CDC23: variants seen among roughly 807,000 people sequenced by gnomAD.
CDC23 encodes cell division cycle 23.
In CDC23, 26 loss-of-function variants were observed where a neutral mutation model predicts 81.7. The ratio of observed to expected loss-of-function variants is 0.32; its 90% CI spans 0.23 to 0.44. The LOEUF (loss-of-function observed/expected upper bound fraction) is 0.44. CDC23 is among the 20% of genes least tolerant of loss of function. CDC23 has a pLI of 1.00. For synonymous variants in CDC23, 267 were observed against 270.8 expected, an observed-to-expected ratio of 0.99 and a Z score of 0.14; for missense variants, 519 against 728.0, an observed-to-expected ratio of 0.71 and a Z score of 3.30.
intron 6 of CDC23, 23 bp downstream of exon 6, chr5:138,201,084 T>C (rs749784746): frequency 6.2e-7 from 1 of 1,610,692 alleles, no homozygotes; most frequent in Non-Finnish European, 8.5e-7. Flanking sequence ...AGAGGGTTTT[T>C]CACATAGCTC....
intron 3 of CDC23, 100 bp downstream of exon 3, chr5:138,206,447 G>C: frequency 8.7e-7 from 1 of 1,143,034 alleles, no homozygotes; most frequent in South Asian, 1.2e-5. Flanking sequence ...CATTCATTCA[G>C]TGGCCCACTG....
chr5:138,201,017 C>T lies in CDC23; in HGVS notation c.654+90G>A, dbSNP rs189474238. ...AGCAAAGGGAGAACTATAACCAAAG[C>T]CCTGCCAAAACTTTCCCCACCCCTA... On this transcript the variant is annotated intron_variant, in intron 6 of 15. Coordinates refer to ENST00000394886, the MANE Select transcript of CDC23 (RefSeq NM_004661.4). 11 of 1,438,700 alleles carry T rather than the reference C, an allele frequency of 7.6e-6. No individual in the cohort carries two copies. In the East Asian group the frequency reaches 2.5e-4, roughly 33 times the overall value. The allele number at this position is 1,438,700 out of a possible 1,614,324, so 89.1% of individuals were successfully genotyped here.
At chr5:138,200,992 A>G in intron 6 of CDC23, 115 bp downstream of exon 6, 1 of 1,148,158 alleles carries the variant, frequency 8.7e-7, no homozygotes, top group Non-Finnish European at 1.2e-6. Context: ...CCAGAGGCGC[A>G]GCAAAGGGAG....
chr5:138,207,380 T>C (rs2126589326), intron 2 of CDC23, among the ~76,000 whole-genome samples: 1 of 152,300 alleles, frequency 6.6e-6, no homozygotes, highest in Non-Finnish European at 1.5e-5. Context: ...GTTACTTAGC[T>C]TCTCTTAGCA....
intron 2 of CDC23, among the ~76,000 whole-genome samples, chr5:138,211,059 T>C (rs1029942718): frequency 2.0e-5 from 3 of 152,102 alleles, no homozygotes; most frequent in Admixed American, 1.3e-4. Flanking sequence ...CAAAAAAACA[T>C]CTGCACTCGC....
chr5:138,205,965 C>T (rs1004747068), intron 3 of CDC23: 6 of 152,014 alleles, frequency 3.9e-5, no homozygotes, highest in Admixed American at 1.3e-4. Flanking sequence ...CACTTTTGGT[C>T]CCAAGCACTT....
In CDC23 at chr5:138,192,657, C is replaced by A; in HGVS notation, c.1013G>T (p.Gly338Val). Residue 338 changes from glycine to valine, a missense_variant and splice_region_variant, in exon 10 of 16, where the codon GGC (glycine) becomes GTC (valine). Transcript: ENST00000394886. ...CTGAGAACGTAAACTGTAATAATTGCCTGATTAAAAATCAAACAAAAAAAT... is the reference window on the plus strand; with the variant it reads ...CTGAGAACGTAAACTGTAATAATTGACTGATTAAAAATCAAACAAAAAAAT... ...KYRVETCCVI[G>V]NYYSLRSQHE... The A allele has an allele frequency of 6.3e-7, 1 of 1,599,532 alleles. No individual in the cohort carries two copies. The highest frequency in any genetic ancestry group is 8.5e-7 in the Non-Finnish European group (1 of 1,176,014).
intron 9 of CDC23, among the ~76,000 whole-genome samples, chr5:138,196,890 CTTTTTTTTTTTTTT>C (rs34002952): frequency 2.6e-5 from 3 of 113,422 alleles, no homozygotes; most frequent in East Asian, 2.3e-4. Context: ...TTTTTTTTTC[CTTTTTTTTTTTTTT>C]TTTTTTTTTA....
At chr5:138,206,911 ACT>A (rs1755056599) in intron 2 of CDC23, among the ~76,000 whole-genome samples, 1 of 131,722 alleles carries the variant, frequency 7.6e-6, no homozygotes, top group South Asian at 2.3e-4. Context: ...ACAGAGCCTC[ACT>A]CTGTCACCCA....
At chr5:138,191,829 C>T (rs1323220373) in intron 12 of CDC23, 33 bp downstream of exon 12, 1 of 1,539,946 alleles carries the variant, frequency 6.5e-7, no homozygotes, top group East Asian at 2.2e-5. Flanking sequence ...AGCAGATTTC[C>T]ACTCAAATTC....
rs1754769482 is a variant in CDC23 at position 138,187,660 on chromosome 5, C to CATTTT, written c.*1313_*1317dup. On this transcript the variant is annotated 3_prime_UTR_variant, in exon 16 of 16. Coordinates refer to ENST00000394886, the MANE Select transcript of CDC23 (RefSeq NM_004661.4). ...GTTATATTAAAGATATTATTGTTCA[C>CATTTT]ATTTTTTATTGAATTCCAAATGTAG... The CATTTT allele has an allele frequency of 3.0e-6, 1 of 335,820 alleles. No individual in the cohort carries two copies. The highest frequency in any genetic ancestry group is 2.1e-5 in the African/African-American group (1 of 47,062). The allele number at this position is 335,820 out of a possible 1,614,324, so 20.8% of individuals were successfully genotyped here.
intron 3 of CDC23, among the ~76,000 whole-genome samples, chr5:138,203,732 C>T (rs187203146): frequency 1.0e-3 from 152 of 151,678 alleles, no homozygotes; most frequent in Middle Eastern, 6.8e-3. Flanking sequence ...GTCAACGTGG[C>T]GAAACCCCGT....
At chr5:138,192,744 G>A (rs1028693526) in intron 9 of CDC23, 87 bp from the exon 10 acceptor site, 80 of 1,204,912 alleles carry the variant, frequency 6.6e-5, no homozygotes, top group Middle Eastern at 5.7e-4. Flanking sequence ...CCAAATGGGC[G>A]TGAAACCATA....
At chr5:138,193,426 T>C (rs925622336) in intron 9 of CDC23, among the ~76,000 whole-genome samples, 2 of 151,552 alleles carry the variant, frequency 1.3e-5, no homozygotes, top group African/African-American at 4.9e-5. Flanking sequence ...CAAAACCCTG[T>C]CTCTACTAAA....
intron 9 of CDC23, among the ~76,000 whole-genome samples, chr5:138,195,579 ATAT>A (rs1187047583): frequency 2.2e-5 from 2 of 92,560 alleles, no homozygotes; most frequent in South Asian, 3.3e-4. Context: ...TATATATAAT[ATAT>A]TATATATAAT....
At chr5:138,195,691 A>T (rs1221544997) in intron 9 of CDC23, among the ~76,000 whole-genome samples, 37 of 82,638 alleles carry the variant, frequency 4.5e-4, no homozygotes, top group Admixed American at 1.4e-3. Flanking sequence ...TATACATATA[A>T]TATATATGCA....
At chr5:138,192,073 T>A in intron 11 of CDC23, 136 bp from the exon 12 acceptor site, 1 of 920,098 alleles carries the variant, frequency 1.1e-6, no homozygotes, top group East Asian at 2.5e-5. Flanking sequence ...ATAGATTACT[T>A]TGTGTTCATA....
chr5:138,212,966 G>A, intron 2 of CDC23, 25 bp downstream of exon 2: 2 of 1,601,414 alleles, frequency 1.2e-6, no homozygotes, highest in Non-Finnish European at 1.7e-6. Context: ...TTGATGGGGA[G>A]CGCTCACTGT....
At position 138,189,670 on chromosome 5, in the gene CDC23, G is replaced by A; in HGVS notation, c.1586C>T (p.Ala529Val). 2 of 1,613,942 alleles carry A rather than the reference G, an allele frequency of 1.2e-6. No individual in the cohort carries two copies. Among genetic ancestry groups the A allele is most frequent in the Non-Finnish European group, 1.7e-6 (2 of 1,179,878 alleles). ...YYFKCKLWDE[A>V]STCAQKCCAF... ...ACAACACTTTTGTGCACAAGTTGAA[G>A]CTTCATCCCACAGTTTGCACTTAAA... Residue 529 changes from alanine (A) to valine (V), a missense_variant, in exon 15 of 16, where the codon GCT becomes GTT. Ala to Val is a moderately conservative substitution (Grantham distance 64). Coordinates refer to ENST00000394886, the MANE Select transcript of CDC23 (RefSeq NM_004661.4).
Sources: allele counts gnomAD v4.1 joint callset (sites outside exome capture counted in the v4.1 genomes callset), GRCh38; gene constraint gnomAD v4.1.1; transcripts MANE v1.5; gene names NCBI Gene and HGNC (gene_info 2026-07-23, HGNC 2026-07-21).